The following PTPRQ variants were observed in gnomAD, a reference collection of about 807,000 sequenced individuals.
PTPRQ encodes protein tyrosine phosphatase receptor type Q, also known as phosphatidylinositol phosphatase PTPRQ.
A neutral mutation model predicts 246.0 loss-of-function variants in PTPRQ; 199 were observed. That is an observed-to-expected ratio of 0.81 (90% confidence interval 0.72 to 0.91). PTPRQ has a LOEUF of 0.91. Among genes scored for constraint, PTPRQ ranks in the 40% least tolerant of loss-of-function variants. The pLI is 0.00. For synonymous variants in PTPRQ, 869 were observed against 853.2 expected (o/e 1.02, Z -0.32); for missense variants, 2,624 against 2,528.4 (o/e 1.04, Z -0.81).
chr12:80,628,371 T>G (rs1402381844), intron 33 of PTPRQ, among the ~76,000 whole-genome samples: 1 of 152,172 alleles, frequency 6.6e-6, no homozygotes. Flanking sequence ...TTGGTAACAT[T>G]ACATAAGTAC....
intron 35 of PTPRQ, among the ~76,000 whole-genome samples, chr12:80,639,376 TCA>T (rs576830393): frequency 1.3e-4 from 20 of 152,132 alleles, no homozygotes; most frequent in South Asian, 4.1e-4. Flanking sequence ...TGACAGAAAC[TCA>T]GTTTCTTTTA....
chr12:80,616,135 A>T, intron 29 of PTPRQ, 65 bp from the exon 30 acceptor site: 1 of 1,124,390 alleles, frequency 8.9e-7, no homozygotes, highest in East Asian at 3.7e-5. Flanking sequence ...ATGCATATAT[A>T]TATATATACA....
In PTPRQ at chr12:80,613,596, A is replaced by G; in HGVS notation, c.4923A>G (p.Pro1641=). ...TTGTTAAATATTTTATTTTAGCCCC[A>G]AAGGACCCACCTAACAACATGACAT... The part of the protein sequence containing the change: ...EMIVTTLESA[P]KDPPNNMTFQ... The change falls in exon 29 of 45, where the codon CCA becomes CCG. Residue 1641 remains proline, a synonymous_variant. Transcript: ENST00000644991. 6 of 1,529,954 alleles carry G rather than the reference A, an allele frequency of 3.9e-6. No individual in the cohort carries two copies. The highest frequency in any genetic ancestry group is 5.3e-6 in the Non-Finnish European group (6 of 1,136,934). The allele number at this position is 1,529,954 out of a possible 1,614,324, so 94.8% of individuals were successfully genotyped here.
chr12:80,644,454 G>T (rs1162306898), intron 35 of PTPRQ, among the ~76,000 whole-genome samples: 1 of 151,770 alleles, frequency 6.6e-6, no homozygotes, highest in East Asian at 1.9e-4. Context: ...GTCTAAAAAT[G>T]CTTTCCATTT....
At position 80,673,263 on chromosome 12, in the gene PTPRQ, G is replaced by A; in HGVS notation, c.6697G>A (p.Ala2233Thr). Reference sequence around the variant, plus strand: ...TTTTGTGGATATATATGGACTAGTAGCTGAACTGAGAAGTGAAAGAATGTG... The same window carrying A: ...TTTTGTGGATATATATGGACTAGTAACTGAACTGAGAAGTGAAAGAATGTG... ...HDFVDIYGLVAELRSERMCMV... is the reference protein window; with the variant it reads ...HDFVDIYGLVTELRSERMCMV... Residue 2233 changes from alanine (A) to threonine (T), a missense_variant, in exon 43 of 45, where the codon GCT becomes ACT. By Grantham distance (58) the Ala-to-Thr change is moderately conservative (BLOSUM62 0). Coordinates refer to ENST00000644991, the MANE Select transcript of PTPRQ (RefSeq NM_001145026.2). The A allele has an allele frequency of 6.4e-7, 1 of 1,550,652 alleles. No individual in the cohort carries two copies. Among genetic ancestry groups the A allele is most frequent in the East Asian group, 2.4e-5 (1 of 40,866 alleles).
At chr12:80,456,490 A>G (rs1250564151) in intron 3 of PTPRQ, among the ~76,000 whole-genome samples, 1 of 152,172 alleles carries the variant, frequency 6.6e-6, no homozygotes, top group Non-Finnish European at 1.5e-5. Context: ...TAACATGTCA[A>G]TATATGCTAT....
chr12:80,571,529 A>G (rs946573331), intron 25 of PTPRQ, among the ~76,000 whole-genome samples: 2 of 152,236 alleles, frequency 1.3e-5, no homozygotes, highest in Non-Finnish European at 2.9e-5. Context: ...GTGCATAATC[A>G]GACGAGTTTA....
rs1897678443 is a variant in PTPRQ, at chr12:80,588,153, C to T, written c.4310C>T (p.Ala1437Val). ...ETVPSVPTNI[A>V]FSDVQSTSAT... is the part of the protein sequence containing the mutation. Reference sequence around the variant, plus strand: ...GTTCCCAGTGTTCCCACAAATATTGCTTTTTCTGATGTTCAGTCAACTAGT... The same window carrying T: ...GTTCCCAGTGTTCCCACAAATATTGTTTTTTCTGATGTTCAGTCAACTAGT... The change falls in exon 26 of 45, where the codon GCT (alanine) becomes GTT (valine). Residue 1437 changes from alanine to valine, a missense_variant. Coordinates refer to ENST00000644991, the MANE Select transcript of PTPRQ (RefSeq NM_001145026.2). 2.0e-6 allele frequency: 3 copies of T among 1,528,592 alleles called. No homozygotes were observed. Among genetic ancestry groups the T allele is most frequent in the African/African-American group, 1.4e-5 (1 of 72,288 alleles). 94.7% of individuals were successfully genotyped at this position (1,528,592 alleles called of 1,614,324 possible).
At chr12:80,656,351 G>C (rs1213464081) in intron 38 of PTPRQ, among the ~76,000 whole-genome samples, 1 of 152,102 alleles carries the variant, frequency 6.6e-6, no homozygotes, top group Admixed American at 6.6e-5. Context: ...CAAAATCTGT[G>C]TTATAATGAC....
chr12:80,484,277 G>T (rs1384439282), intron 8 of PTPRQ, among the ~76,000 whole-genome samples, 156 bp from the exon 9 acceptor site: 5 of 152,068 alleles, frequency 3.3e-5, no homozygotes, highest in African/African-American at 1.2e-4. Flanking sequence ...AAAGTGCTGG[G>T]ATTACAGCCA....
intron 6 of PTPRQ, chr12:80,462,099 C>A (rs1334697725): frequency 3.0e-5 from 18 of 590,924 alleles, no homozygotes; most frequent in Non-Finnish European, 5.5e-5. Flanking sequence ...TCAGGGAGTT[C>A]CCTTTCCTAG....
At position 80,679,066 on chromosome 12, in the gene PTPRQ, C is replaced by A; in HGVS notation, c.*43C>A. ...TACAATTGGAAGAGATTTTTAAATC[C>A]CAGGGGCCAAAGTTACCCCCTCATT... is the stretch of plus-strand genomic sequence containing the variant. On this transcript the variant is annotated 3_prime_UTR_variant, in exon 45 of 45. Coordinates refer to ENST00000644991, the MANE Select transcript of PTPRQ (RefSeq NM_001145026.2). 6.5e-7 allele frequency: 1 copy of A among 1,531,400 alleles called. No homozygotes were observed. Among genetic ancestry groups the A allele is most frequent in the South Asian group, 1.3e-5 (1 of 79,396 alleles). 94.9% of individuals were successfully genotyped at this position (1,531,400 alleles called of 1,614,324 possible).
chr12:80,612,298 C>G (rs1898581573), intron 28 of PTPRQ, among the ~76,000 whole-genome samples: 1 of 150,190 alleles, frequency 6.7e-6, no homozygotes, highest in South Asian at 2.1e-4. Flanking sequence ...ATATAAAGAA[C>G]TCTTAAAACC....
chr12:80,607,729 A>G (rs1330185255), intron 27 of PTPRQ, among the ~76,000 whole-genome samples: 1 of 150,768 alleles, frequency 6.6e-6, no homozygotes, highest in Non-Finnish European at 1.5e-5. Context: ...CACCGATAAA[A>G]CTCTTAACTT....
At chr12:80,445,422 T>C in intron 2 of PTPRQ, 69 bp from the exon 3 acceptor site, 1 of 953,524 alleles carries the variant, frequency 1.0e-6, no homozygotes, top group African/African-American at 1.7e-5. Context: ...ATAAATACTG[T>C]TATTATGTAT....
chr12:80,542,987 T>A, intron 23 of PTPRQ, 106 bp downstream of exon 23: 2 of 812,356 alleles, frequency 2.5e-6, no homozygotes, highest in Non-Finnish European at 3.6e-6. Flanking sequence ...ACAATGACTA[T>A]TTTTTTAAAC....
intron 25 of PTPRQ, among the ~76,000 whole-genome samples, chr12:80,550,530 T>C (rs956400951): frequency 6.6e-6 from 1 of 152,136 alleles, no homozygotes; most frequent in Non-Finnish European, 1.5e-5. Flanking sequence ...CAACATTTTT[T>C]CAGACTACGG....
At chr12:80,537,580 A>G (rs956818760) in intron 19 of PTPRQ, among the ~76,000 whole-genome samples, 4 of 152,240 alleles carry the variant, frequency 2.6e-5, no homozygotes, top group Non-Finnish European at 5.9e-5. Flanking sequence ...ATAGTAGACC[A>G]ACATCACTTT....
intron 25 of PTPRQ, among the ~76,000 whole-genome samples, chr12:80,569,057 C>A (rs1897062299): frequency 1.3e-5 from 2 of 150,832 alleles, no homozygotes; most frequent in Non-Finnish European, 2.9e-5. Flanking sequence ...GTCATTACTG[C>A]ATTTTTCTCC....
Sources: gnomAD v4.1 joint callset for allele counts (sites outside exome capture counted in the v4.1 genomes callset) on GRCh38, gnomAD v4.1.1 for gene constraint, MANE v1.5 for transcripts, NCBI Gene and HGNC (gene_info 2026-07-23, HGNC 2026-07-21) for gene names.